The following GPD1L variants were observed in gnomAD, a reference collection of about 807,000 sequenced individuals.
GPD1L encodes the protein glycerol-3-phosphate dehydrogenase 1 like.
GPD1L carries 17 observed loss-of-function variants against 32.9 expected under a neutral mutation model. The ratio of observed to expected loss-of-function variants is 0.52; its 90% CI spans 0.35 to 0.78. The LOEUF is 0.78. GPD1L is among the 30% of genes least tolerant of loss of function. The pLI is 0.01. For missense variants in GPD1L, 361 were observed against 447.8 expected, an observed-to-expected ratio of 0.81 and a Z score of 1.75; for synonymous variants, 187 against 165.9, an observed-to-expected ratio of 1.13 and a Z score of -0.98.
chr3:32,112,980 A>G (rs1369604466), intron 1 of GPD1L, among the ~76,000 whole-genome samples: 1 of 152,218 alleles, frequency 6.6e-6, no homozygotes, highest in Non-Finnish European at 1.5e-5. Context: ...CCATGTTTCC[A>G]TAAATTCTTA....
At chr3:32,155,712 C>T (rs1700979151) in intron 5 of GPD1L, among the ~76,000 whole-genome samples, 2 of 152,152 alleles carry the variant, frequency 1.3e-5, no homozygotes, top group South Asian at 4.1e-4. Flanking sequence ...ATCTGTTGCC[C>T]CAGTACTGGT....
At position 32,118,184 on chromosome 3, in the gene GPD1L, C is replaced by A. The variant is rs149151405; in HGVS notation, c.48-9892C>A. ...TTGGATTCGGGGTCTGTTAAAATAT[C>A]TAAATGGGAATGATTTAAAATCAGA... On this transcript the variant is annotated intron_variant, in intron 1 of 7. Coordinates refer to ENST00000282541, the MANE Select transcript of GPD1L (RefSeq NM_015141.4). Among the ~76,000 whole-genome samples, 10 of 152,192 alleles carry A rather than the reference C, an allele frequency of 6.6e-5. No homozygotes were observed. The East Asian group carries it at 1.9e-3, about 29-fold the overall frequency.
chr3:32,134,918 C>T (rs35690420), intron 2 of GPD1L, among the ~76,000 whole-genome samples: 44,924 of 152,070 alleles, frequency 0.3, 7,677 homozygotes, highest in East Asian at 0.74. Flanking sequence ...CAAAACATTG[C>T]CACTCATATT....
At chr3:32,121,591 A>C (rs1004524007) in intron 1 of GPD1L, among the ~76,000 whole-genome samples, 1 of 99,232 alleles carries the variant, frequency 1.0e-5, no homozygotes, top group Non-Finnish European at 1.9e-5. Context: ...ATATATTTCT[A>C]TATATATATT....
intron 4 of GPD1L, among the ~76,000 whole-genome samples, chr3:32,146,174 C>A (rs1183583799): frequency 6.6e-6 from 1 of 151,248 alleles, no homozygotes; most frequent in African/African-American, 2.4e-5. Context: ...ACAGCCTCCA[C>A]CTCCTGGGTT....
In GPD1L at chr3:32,159,632, C is replaced by G. The variant is rs980454260; in HGVS notation, c.917C>G (p.Ala306Gly). The change falls in exon 7 of 8, where the codon GCT (alanine) becomes GGT (glycine). Residue 306 changes from alanine to glycine, a missense_variant. Transcript: ENST00000282541. Reference protein sequence around the residue: ...GQKLQGPQTSAEVYRILKQKG... With the variant: ...GQKLQGPQTSGEVYRILKQKG... ...AAGCTCCAAGGACCGCAGACTTCTG[C>G]TGAAGTGTACCGCATCCTCAAACAG... The G allele has an allele frequency of 2.2e-5, 35 of 1,612,538 alleles. No individual in the cohort carries two copies. The highest frequency in any genetic ancestry group is 2.9e-5 in the Non-Finnish European group (34 of 1,178,894).
At chr3:32,132,592 T>G (rs962494967) in intron 2 of GPD1L, among the ~76,000 whole-genome samples, 1 of 151,976 alleles carries the variant, frequency 6.6e-6, no homozygotes, top group South Asian at 2.1e-4. Context: ...ATTAGAGGAG[T>G]AGTTTTCCCT....
chr3:32,154,031 C>T (rs996932790), intron 5 of GPD1L, among the ~76,000 whole-genome samples: 5 of 151,984 alleles, frequency 3.3e-5, no homozygotes, highest in African/African-American at 4.8e-5. Context: ...CACATCTGAG[C>T]GATCTCGGAG....
At chr3:32,119,958 T>C (rs1417102496) in intron 1 of GPD1L, among the ~76,000 whole-genome samples, 2 of 152,218 alleles carry the variant, frequency 1.3e-5, no homozygotes, top group African/African-American at 4.8e-5. Flanking sequence ...CCCAACTTGA[T>C]AGTGTCAACC....
At chr3:32,108,688 C>T (rs1271813807) in intron 1 of GPD1L, among the ~76,000 whole-genome samples, 9 of 152,196 alleles carry the variant, frequency 5.9e-5, no homozygotes, top group Non-Finnish European at 7.3e-5. Flanking sequence ...TACATATAGT[C>T]CTTTCGCCCT....
chr3:32,142,585 A>G (rs1700760596), intron 4 of GPD1L, among the ~76,000 whole-genome samples: 1 of 152,144 alleles, frequency 6.6e-6, no homozygotes. Flanking sequence ...TGAAATTGTT[A>G]TGTAATTACT....
intron 5 of GPD1L, among the ~76,000 whole-genome samples, chr3:32,156,249 CTG>C (rs1349128364): frequency 1.3e-5 from 2 of 152,170 alleles, no homozygotes; most frequent in Admixed American, 1.3e-4. Context: ...TTCGCATAGC[CTG>C]TGTGGTAGGA....
chr3:32,142,774 T>A lies in GPD1L; in HGVS notation c.505+2408T>A, dbSNP rs572040640. Reference sequence around the variant, plus strand: ...AAGTTTCTAGTTGGGTACATTAGGCTTTTTTGGTTTTAAAAAACAGATAAA... The same window carrying A: ...AAGTTTCTAGTTGGGTACATTAGGCATTTTTGGTTTTAAAAAACAGATAAA... On this transcript the variant is annotated intron_variant, in intron 4 of 7. Coordinates refer to ENST00000282541, the MANE Select transcript of GPD1L (RefSeq NM_015141.4). Among the ~76,000 whole-genome samples the A allele has an allele frequency of 2.0e-5, 3 of 152,320 alleles. No individual in the cohort carries two copies. The South Asian group carries it at 6.2e-4, about 32-fold the overall frequency.
chr3:32,162,205 C>T (rs1425999541), intron 7 of GPD1L, among the ~76,000 whole-genome samples: 2 of 152,162 alleles, frequency 1.3e-5, no homozygotes, highest in Admixed American at 6.5e-5. Flanking sequence ...CCAGCTTGAG[C>T]ATTCACATTC....
At chr3:32,142,576 G>C (rs1700760521) in intron 4 of GPD1L, among the ~76,000 whole-genome samples, 1 of 152,128 alleles carries the variant, frequency 6.6e-6, no homozygotes, top group Non-Finnish European at 1.5e-5. Flanking sequence ...TATAGCCTGT[G>C]AAATTGTTAT....
chr3:32,163,552 T>C (rs1436403546), intron 7 of GPD1L, among the ~76,000 whole-genome samples: 1 of 152,222 alleles, frequency 6.6e-6, no homozygotes, highest in African/African-American at 2.4e-5. Flanking sequence ...TCCAAACTGA[T>C]CTAATTGTCC....
chr3:32,108,801 T>A (rs1429036363), intron 1 of GPD1L, among the ~76,000 whole-genome samples: 1 of 152,270 alleles, frequency 6.6e-6, no homozygotes, highest in Non-Finnish European at 1.5e-5. Flanking sequence ...GGTAGCTTGC[T>A]GCTGCAAAGC....
intron 1 of GPD1L, among the ~76,000 whole-genome samples, chr3:32,126,709 G>A (rs1298595845): frequency 6.6e-6 from 1 of 152,202 alleles, no homozygotes; most frequent in Non-Finnish European, 1.5e-5. Context: ...GATATCTACA[G>A]CTATTCTTTT....
intron 2 of GPD1L, among the ~76,000 whole-genome samples, chr3:32,128,701 C>T (rs753431949): frequency 6.6e-6 from 1 of 152,168 alleles, no homozygotes; most frequent in Non-Finnish European, 1.5e-5. Context: ...TCTTTTAAGA[C>T]ACTGTTTCCA....
Sources: gnomAD v4.1 joint callset for allele counts (sites outside exome capture counted in the v4.1 genomes callset) on GRCh38, gnomAD v4.1.1 for gene constraint, MANE v1.5 for transcripts, NCBI Gene and HGNC (gene_info 2026-07-23, HGNC 2026-07-21) for gene names.